CREBZF: variants seen among roughly 807,000 people sequenced by gnomAD.
CREBZF encodes HCF-binding transcription factor Zhangfei.
In CREBZF, 8 loss-of-function variants were observed where a neutral mutation model predicts 21.1. The ratio of observed to expected loss-of-function variants is 0.38; its 90% confidence interval spans 0.22 to 0.68. The LOEUF is 0.68. Ranked by LOEUF, CREBZF falls within the 30% of genes least tolerant of loss-of-function variation. The pLI is 0.51. For synonymous variants in CREBZF, 270 were observed against 223.3 expected, an observed-to-expected ratio of 1.21 and a Z score of -1.86; for missense variants, 518 against 484.3, an observed-to-expected ratio of 1.07 and a Z score of -0.65.
chr11:85,658,672 A>G lies in CREBZF; in HGVS notation c.*5139T>C, dbSNP rs2082586098. On this transcript the variant is annotated 3_prime_UTR_variant, in exon 1 of 1. Transcript: ENST00000527447. ...TTAAAAAAAAAAAAAGAGGGCTCAC[A>G]TTCTATTTAAATTAAGACAATATAT... is the stretch of plus-strand genomic sequence containing the variant. Among the ~76,000 whole-genome samples, 1 of 151,786 alleles carries G rather than the reference A, an allele frequency of 6.6e-6. No individual in the cohort carries two copies. The highest frequency in any genetic ancestry group is 1.5e-5 in the Non-Finnish European group (1 of 67,850).
intron 1 of CREBZF, among the ~76,000 whole-genome samples, chr11:85,670,300 CTTTTTTTTTT>C (rs1178979017): frequency 2.5e-5 from 1 of 39,218 alleles, no homozygotes; most frequent in Non-Finnish European, 4.1e-5. Flanking sequence ...ATCTCAAGTT[CTTTTTTTTTT>C]TTTTTTTTTT....
rs1324431850 is a variant in CREBZF, at chr11:85,662,342, C to A, written c.*1469G>T. The A allele has an allele frequency of 4.3e-6, 3 of 697,538 alleles. No homozygotes were observed. In the Admixed American group the frequency reaches 6.5e-5, roughly 15 times the overall value. The allele number at this position is 697,538 out of a possible 1,614,324, so 43.2% of individuals were successfully genotyped here. On this transcript the variant is annotated 3_prime_UTR_variant, in exon 1 of 1. Coordinates refer to ENST00000527447, the MANE Select transcript of CREBZF (RefSeq NM_001039618.4). ...TTATGAACATGTTAAAAATAAAAAACAGCAGAAGCCCTGATATTACCTCTT... is the reference window on the plus strand; with the variant it reads ...TTATGAACATGTTAAAAATAAAAAAAAGCAGAAGCCCTGATATTACCTCTT...
Position 85,662,964 on chromosome 11 carries a change from C to T in CREBZF, c.*847G>A, listed in dbSNP as rs1261802853. On this transcript the variant is annotated 3_prime_UTR_variant, in exon 1 of 1. Coordinates refer to ENST00000527447, the MANE Select transcript of CREBZF (RefSeq NM_001039618.4). ...ATTTCCAACTTCTCTAATGGTGAGA[C>T]ATTAAAATGTTACTCCATTATAGAC... 1 of 157,350 alleles carries T rather than the reference C, an allele frequency of 6.4e-6. No individual in the cohort carries two copies. Among genetic ancestry groups the T allele is most frequent in the African/African-American group, 2.4e-5 (1 of 41,492 alleles). 9.7% of individuals were successfully genotyped at this position (157,350 alleles called of 1,614,324 possible). A position where few individuals can be genotyped will look rare whatever the true frequency, so the allele number is the denominator to read the frequency against.
Position 85,664,802 on chromosome 11 carries a change from G to C in CREBZF, c.74C>G (p.Pro25Arg). 1.3e-6 allele frequency: 2 copies of C among 1,572,392 alleles called. No homozygotes were observed. The highest frequency in any genetic ancestry group is 1.7e-6 in the Non-Finnish European group (2 of 1,162,968). Residue 25 changes from proline (P) to arginine (R), a missense_variant, in exon 1 of 1, where the codon CCG (proline) becomes CGG (arginine). By Grantham distance (103) the Pro-to-Arg change is moderately radical. Coordinates refer to ENST00000527447, the MANE Select transcript of CREBZF (RefSeq NM_001039618.4). This position sits in a 1 kb window ranked among gnomAD's most constrained non-coding sequence, Gnocchi z 5.5. ...NSPTRSESPE[P>R]AATCSLPSDL... is the part of the protein sequence containing the mutation. ...AGAGGGCAGCGAACAAGTTGCAGCCGGCTCCGGGCTCTCACTGCGGGTTGG... is the reference window on the plus strand; with the variant it reads ...AGAGGGCAGCGAACAAGTTGCAGCCCGCTCCGGGCTCTCACTGCGGGTTGG...
upstream of CREBZF, among the ~76,000 whole-genome samples, chr11:85,667,217 A>T (rs1294805332): frequency 3.3e-5 from 1 of 30,166 alleles, no homozygotes; most frequent in South Asian, 1.1e-3. Flanking sequence ...GCCAACCCCC[A>T]CCCACTACCA....
rs1399242363 is a variant in CREBZF at position 85,664,808 on chromosome 11, G to T, written c.68C>A (p.Pro23Gln). Reference sequence around the variant, plus strand: ...CAGCGAACAAGTTGCAGCCGGCTCCGGGCTCTCACTGCGGGTTGGGGAGTT... The same window carrying T: ...CAGCGAACAAGTTGCAGCCGGCTCCTGGCTCTCACTGCGGGTTGGGGAGTT... ...GSNSPTRSESPEPAATCSLPS... is the reference protein window; with the variant it reads ...GSNSPTRSESQEPAATCSLPS... The change falls in exon 1 of 1, where the codon CCG becomes CAG. Residue 23 changes from proline to glutamine, a missense_variant. Pro to Gln is a moderately conservative substitution (Grantham distance 76). Transcript: ENST00000527447. This position sits in a 1 kb window ranked among gnomAD's most constrained non-coding sequence, Gnocchi z 5.5. The T allele has an allele frequency of 1.3e-6, 2 of 1,569,284 alleles. No homozygotes were observed. The highest frequency in any genetic ancestry group is 2.7e-5 in the African/African-American group (2 of 73,058).
upstream of CREBZF, among the ~76,000 whole-genome samples, chr11:85,667,397 G>C (rs2082880105): frequency 6.6e-6 from 1 of 152,228 alleles, no homozygotes; most frequent in South Asian, 2.1e-4. Flanking sequence ...TTGATTATTG[G>C]AAGGTTGAAT....
In CREBZF at chr11:85,663,973, G is replaced by A. The variant is rs746680433; in HGVS notation, c.903C>T (p.Ala301=). 3.1e-6 allele frequency: 5 copies of A among 1,613,176 alleles called. No homozygotes were observed. The highest frequency in any genetic ancestry group is 3.3e-5 in the Admixed American group (2 of 60,004). ...CCGGCAGAGCGTAGTCGTGGTCACC[G>A]GCGGGCGAGTCTCTGAAGAGCGAGG... is the stretch of plus-strand genomic sequence containing the variant. The part of the protein sequence containing the change: ...LTTSLFRDSP[A]GDHDYALPVG... The change falls in exon 1 of 1, where the codon GCC becomes GCT. Residue 301 remains alanine, a synonymous_variant. Transcript: ENST00000527447.
At chr11:85,670,089 G>A (rs2082901457), upstream of CREBZF, among the ~76,000 whole-genome samples, 1 of 152,050 alleles carries the variant, frequency 6.6e-6, no homozygotes, top group South Asian at 2.1e-4. Context: ...TTACAGGTGT[G>A]AGCCACCGTG....
At chr11:85,668,396 A>G (rs1246007161), upstream of CREBZF, among the ~76,000 whole-genome samples, 1 of 152,158 alleles carries the variant, frequency 6.6e-6, no homozygotes, top group African/African-American at 2.4e-5. Context: ...CTATTTCTAA[A>G]TGGTTATTGT....
intron 1 of CREBZF, among the ~76,000 whole-genome samples, chr11:85,673,568 G>C (rs1184319391): frequency 6.6e-6 from 1 of 152,220 alleles, no homozygotes; most frequent in African/African-American, 2.4e-5. Context: ...GGAGGGTCTT[G>C]CCTCAATGTT....
At chr11:85,670,300 CTTT>C (rs1178979017) in intron 1 of CREBZF, among the ~76,000 whole-genome samples, 1 of 39,218 alleles carries the variant, frequency 2.5e-5, no homozygotes, top group African/African-American at 1.3e-4. Flanking sequence ...ATCTCAAGTT[CTTT>C]TTTTTTTTTT....
intron 1 of CREBZF, among the ~76,000 whole-genome samples, chr11:85,674,168 G>C (rs1201456033): frequency 1.3e-5 from 2 of 152,186 alleles, no homozygotes; most frequent in Non-Finnish European, 2.9e-5. Context: ...AGATAGATCA[G>C]AGGAATCACT....
rs1447836497 is a variant in CREBZF at position 85,660,351 on chromosome 11, T to C, written c.*3460A>G. 1.0e-5 allele frequency: 2 copies of C among 200,086 alleles called. No homozygotes were observed. Among genetic ancestry groups the C allele is most frequent in the African/African-American group, 4.8e-5 (2 of 41,936 alleles). 12.4% of individuals were successfully genotyped at this position (200,086 alleles called of 1,614,324 possible). ...AAAGACAAAAAAAGTATAATTTTGT[T>C]CCAAGATTAACTTAGTCTCATGTAT... is the stretch of plus-strand genomic sequence containing the variant. On this transcript the variant is annotated 3_prime_UTR_variant, in exon 1 of 1. Transcript: ENST00000527447.
At chr11:85,665,402 T>G (rs558076564), upstream of CREBZF, among the ~76,000 whole-genome samples, 3 of 152,054 alleles carry the variant, frequency 2.0e-5, no homozygotes, top group East Asian at 3.9e-4. Flanking sequence ...ATCCTAAAGT[T>G]GCAGATGAGA....
At position 85,664,448 on chromosome 11, in the gene CREBZF, C is replaced by A. The variant is rs1353283365; in HGVS notation, c.428G>T (p.Trp143Leu). The change falls in exon 1 of 1, where the codon TGG (tryptophan) becomes TTG (leucine). Residue 143 changes from tryptophan (W) to leucine (L), a missense_variant. Physicochemically the swap from Trp to Leu is moderately conservative, Grantham distance 61. This residue lies in a region of CREBZF where 396 missense variants were observed against 324.4 expected (regional missense o/e 1.22). Transcript: ENST00000527447. The surrounding 1 kb of genome is among the most constrained non-coding windows in gnomAD (Gnocchi z 5.5). ...SGGGSDSGGL[W>L]RGDDDDEAAA... Reference sequence around the variant, plus strand: ...GGCCTCATCGTCATCGTCCCCTCTCCACAGGCCGCCGCTATCCGAGCCTCC... The same window carrying A: ...GGCCTCATCGTCATCGTCCCCTCTCAACAGGCCGCCGCTATCCGAGCCTCC... The A allele has an allele frequency of 6.2e-7, 1 of 1,613,534 alleles. No homozygotes were observed. Among genetic ancestry groups the A allele is most frequent in the Non-Finnish European group, 8.5e-7 (1 of 1,179,984 alleles).
rs2082646829 is a variant in CREBZF, at chr11:85,660,616, G to C, written c.*3195C>G. On this transcript the variant is annotated 3_prime_UTR_variant, in exon 1 of 1. Transcript: ENST00000527447. ...TGCTAAGCTGTTCAAAGAGAAGAGA[G>C]AGAGATTAATTTAGTGATTATAAAA... The C allele has an allele frequency of 2.2e-6, 1 of 453,544 alleles. No homozygotes were observed. Among genetic ancestry groups the C allele is most frequent in the Non-Finnish European group, 4.4e-6 (1 of 225,816 alleles). The allele number at this position is 453,544 out of a possible 1,614,324, so 28.1% of individuals were successfully genotyped here.
intron 1 of CREBZF, among the ~76,000 whole-genome samples, chr11:85,670,788 A>C (rs1035728563): frequency 5.9e-5 from 9 of 152,222 alleles, no homozygotes; most frequent in African/African-American, 2.2e-4. Flanking sequence ...TATAGATTAG[A>C]TTGCGTCCCT....
At chr11:85,682,606 T>TCCCCCCCC in intron 1 of CREBZF, 1 of 204,628 alleles carries the variant, frequency 4.9e-6, no homozygotes, top group Non-Finnish European at 8.4e-6. Context: ...CCTGCCCTAC[T>TCCCCCCCC]CCCCCCAACG....
Sources: gnomAD v4.1 joint callset for allele counts (sites outside exome capture counted in the v4.1 genomes callset) on GRCh38, gnomAD v4.1.1 for gene constraint, gnomAD v4.1.1 regional missense constraint, Gnocchi (gnomAD v3.1) non-coding constraint, MANE v1.5 for transcripts, NCBI Gene and HGNC (gene_info 2026-07-23, HGNC 2026-07-21) for gene names.